ROBO1: variants seen among roughly 807,000 people sequenced by gnomAD.
ROBO1 encodes roundabout guidance receptor 1.
In ROBO1, 149 loss-of-function variants were observed where a neutral mutation model predicts 195.9. The observed-to-expected ratio is 0.76, with a 90% confidence interval of 0.67 to 0.87. ROBO1 has a LOEUF of 0.87. Among genes scored for constraint, ROBO1 ranks in the 40% least tolerant of loss-of-function variants. The probability of loss-of-function intolerance (pLI) is 0.00; values close to 1 mark genes in which losing one functional copy is unlikely to be tolerated. For missense variants in ROBO1, 1,933 were observed against 2,068.3 expected (o/e 0.93, Z 1.27); for synonymous variants, 816 against 733.2 (o/e 1.11, Z -1.82).
chr3:78,916,566 AAAAAAAAG>A (rs2038608241), intron 4 of ROBO1, among the ~76,000 whole-genome samples: 2 of 151,870 alleles, frequency 1.3e-5, no homozygotes, highest in South Asian at 4.1e-4. Flanking sequence ...AGAAAAAAAA[AAAAAAAAG>A]AAAAAAATGG....
intron 1 of ROBO1, among the ~76,000 whole-genome samples, chr3:79,619,436 G>A (rs1009998764): frequency 1.3e-5 from 2 of 152,032 alleles, no homozygotes; most frequent in African/African-American, 4.8e-5. Flanking sequence ...CTGCAACACT[G>A]CTTGGCCCCC....
intron 1 of ROBO1, among the ~76,000 whole-genome samples, chr3:79,719,945 T>G (rs967538609): frequency 1.7e-4 from 26 of 152,364 alleles, no homozygotes; most frequent in Middle Eastern, 3.4e-3. Context: ...CTTTTGGTAG[T>G]TGGGTAAAGA....
At chr3:79,502,877 C>T (rs1323151791) in intron 2 of ROBO1, among the ~76,000 whole-genome samples, 1 of 152,064 alleles carries the variant, frequency 6.6e-6, no homozygotes, top group Non-Finnish European at 1.5e-5. Context: ...ACTTTTGTGT[C>T]TAGCTCAGGG....
intron 30 of ROBO1, among the ~76,000 whole-genome samples, 159 bp from the exon 31 acceptor site, chr3:78,599,086 A>T (rs1048658294): frequency 9.2e-5 from 14 of 152,140 alleles, no homozygotes; most frequent in Non-Finnish European, 1.8e-4. Context: ...TCATTCATCA[A>T]CCTTAATTGG....
At chr3:78,821,501 A>G (rs2030944643) in intron 4 of ROBO1, among the ~76,000 whole-genome samples, 1 of 152,084 alleles carries the variant, frequency 6.6e-6, no homozygotes, top group Non-Finnish European at 1.5e-5. Flanking sequence ...CCATCTGTGT[A>G]GTCACTTTTA....
intron 2 of ROBO1, among the ~76,000 whole-genome samples, chr3:79,503,106 T>C (rs541371623): frequency 5.3e-5 from 8 of 152,290 alleles, no homozygotes; most frequent in African/African-American, 1.9e-4. Context: ...ATCTCGCTGC[T>C]GCTCACTCTT....
intron 2 of ROBO1, among the ~76,000 whole-genome samples, chr3:79,168,511 C>T (rs1384915241): frequency 6.6e-6 from 1 of 152,128 alleles, no homozygotes; most frequent in African/African-American, 2.4e-5. Flanking sequence ...AATATCACCA[C>T]TCTGGCTAGT....
intron 2 of ROBO1, among the ~76,000 whole-genome samples, chr3:79,576,716 G>A (rs1372684210): frequency 6.6e-6 from 1 of 152,020 alleles, no homozygotes; most frequent in Non-Finnish European, 1.5e-5. Flanking sequence ...TTACAAAAAT[G>A]AAATGGGGAA....
At chr3:79,511,752 A>G (rs1430247675) in intron 2 of ROBO1, among the ~76,000 whole-genome samples, 1 of 152,132 alleles carries the variant, frequency 6.6e-6, no homozygotes, top group African/African-American at 2.4e-5. Context: ...AAAAAAGAAC[A>G]AGATCATGTC....
At chr3:78,866,348 G>A (rs2035179141) in intron 4 of ROBO1, among the ~76,000 whole-genome samples, 1 of 152,094 alleles carries the variant, frequency 6.6e-6, no homozygotes, top group Non-Finnish European at 1.5e-5. Flanking sequence ...CATTTCCCAT[G>A]GGTGTCCCTC....
At chr3:79,118,234 G>T (rs1426243437) in intron 3 of ROBO1, among the ~76,000 whole-genome samples, 123 of 136,996 alleles carry the variant, frequency 9.0e-4, no homozygotes, top group South Asian at 4.5e-3. Flanking sequence ...TAATTGTGTG[G>T]GTTTTTTTTT....
intron 3 of ROBO1, among the ~76,000 whole-genome samples, chr3:79,058,002 G>A (rs112678115): frequency 0.027 from 4,059 of 152,018 alleles, 185 homozygotes; most frequent in African/African-American, 0.092. Context: ...CTTATCTTCC[G>A]GAGAGATCAG....
chr3:78,633,551 A>G (rs1408861696), intron 24 of ROBO1, among the ~76,000 whole-genome samples: 1 of 152,154 alleles, frequency 6.6e-6, no homozygotes, highest in Non-Finnish European at 1.5e-5. Context: ...GTCCTCAAAC[A>G]TTATGTGCTT....
chr3:78,894,062 T>A (rs2037083876), intron 4 of ROBO1, among the ~76,000 whole-genome samples: 1 of 152,230 alleles, frequency 6.6e-6, no homozygotes, highest in Admixed American at 6.5e-5. Flanking sequence ...CGAATCTCAA[T>A]TTCCTTGGCT....
At chr3:79,356,636 G>GACAA (rs2035565973) in intron 2 of ROBO1, among the ~76,000 whole-genome samples, 1 of 152,118 alleles carries the variant, frequency 6.6e-6, no homozygotes, top group South Asian at 2.1e-4. Context: ...AGACTCATAA[G>GACAA]GTAACAAAAT....
Position 79,116,275 on chromosome 3 carries a change from CTTTCT to C in ROBO1, c.172+9176_172+9180del, listed in dbSNP as rs1395137110. ...TCTCTTTCTTTCCCTTCCTTCCTTC[CTTTCT>C]TTTCTTTCTTTCTCTTTCTTTCTTT... is the stretch of plus-strand genomic sequence containing the variant. On this transcript the variant is annotated intron_variant, in intron 3 of 30. Transcript: ENST00000464233. Among the ~76,000 whole-genome samples the C allele has an allele frequency of 9.2e-5, 14 of 151,712 alleles. No homozygotes were observed. The East Asian group carries it at 2.7e-3, about 29-fold the overall frequency.
At chr3:79,199,583 T>G (rs1046097657) in intron 2 of ROBO1, among the ~76,000 whole-genome samples, 4 of 149,914 alleles carry the variant, frequency 2.7e-5, no homozygotes, top group Non-Finnish European at 5.9e-5. Context: ...AAGGGTTACA[T>G]AACTTTAAAA....
intron 1 of ROBO1, among the ~76,000 whole-genome samples, chr3:79,765,461 C>A (rs73849839): frequency 0.013 from 1,931 of 152,192 alleles, 41 homozygotes; most frequent in African/African-American, 0.045. Flanking sequence ...TTCCCTTTAA[C>A]AAAATCAACA....
chr3:78,854,409 G>A (rs1184643683), intron 4 of ROBO1, among the ~76,000 whole-genome samples: 1 of 150,010 alleles, frequency 6.7e-6, no homozygotes, highest in African/African-American at 2.4e-5. Context: ...GGGAGTGTGT[G>A]TACACATAGA....
Sources: gnomAD v4.1 joint callset for allele counts (sites outside exome capture counted in the v4.1 genomes callset) on GRCh38, gnomAD v4.1.1 for gene constraint, MANE v1.5 for transcripts, NCBI Gene and HGNC (gene_info 2026-07-23, HGNC 2026-07-21) for gene names.